Variants in SYT14 observed in about 807,000 individuals in gnomAD.
SYT14 encodes the protein synaptotagmin-14.
A neutral mutation model predicts 74.2 loss-of-function variants in SYT14; 32 were observed. That is an observed-to-expected ratio of 0.43 (90% CI 0.33 to 0.58). SYT14 has a LOEUF of 0.58. SYT14 is among the 20% of genes least tolerant of loss of function. The probability of loss-of-function intolerance (pLI) is 0.05; values close to 1 mark genes in which losing one functional copy is unlikely to be tolerated. For synonymous variants in SYT14, 298 were observed against 337.7 expected, an observed-to-expected ratio of 0.88 and a Z score of 1.29; for missense variants, 791 against 981.8, an observed-to-expected ratio of 0.81 and a Z score of 2.60.
chr1:210,125,799 G>A (rs2082557566), intron 7 of SYT14, among the ~76,000 whole-genome samples: 1 of 152,218 alleles, frequency 6.6e-6, no homozygotes, highest in Non-Finnish European at 1.5e-5. Context: ...TATCTAGGCA[G>A]TCCATGCTAT....
chr1:210,043,303 A>G (rs1340918890), intron 5 of SYT14, among the ~76,000 whole-genome samples: 2 of 152,198 alleles, frequency 1.3e-5, no homozygotes, highest in Admixed American at 1.3e-4. Context: ...AACCATGGAA[A>G]CAGCCTAGTA....
chr1:209,991,434 A>G lies in SYT14; in HGVS notation c.-485-22199A>G, dbSNP rs1482836520. ...ACAAGGAATGCAAACAACTCAACCAAAATCCCTCAAATAACCCCATTAAAA... is the reference window on the plus strand; with the variant it reads ...ACAAGGAATGCAAACAACTCAACCAGAATCCCTCAAATAACCCCATTAAAA... On this transcript the variant is annotated intron_variant, in intron 2 of 9. Coordinates refer to ENST00000637265, the Ensembl canonical transcript of SYT14. 2.6e-5 allele frequency among the ~76,000 whole-genome samples: 4 copies of G among 152,112 alleles called. No homozygotes were observed. In the East Asian group the frequency reaches 7.7e-4, roughly 29 times the overall value.
chr1:210,150,857 A>T (rs930541676), intron 7 of SYT14, among the ~76,000 whole-genome samples: 1 of 152,182 alleles, frequency 6.6e-6, no homozygotes, highest in Non-Finnish European at 1.5e-5. Flanking sequence ...AAAGCCCAGT[A>T]TGTTAATAGG....
chr1:209,978,543 G>T (rs1166070175), intron 2 of SYT14, among the ~76,000 whole-genome samples: 1 of 152,166 alleles, frequency 6.6e-6, no homozygotes, highest in Non-Finnish European at 1.5e-5. Flanking sequence ...AGCAAATGTT[G>T]CTGCCTGATC....
intron 5 of SYT14, among the ~76,000 whole-genome samples, chr1:210,053,296 G>A (rs530906866): frequency 2.0e-5 from 3 of 152,274 alleles, no homozygotes; most frequent in Admixed American, 1.3e-4. Context: ...GAAGATTAAC[G>A]TCTTTCTGCC....
intron 2 of SYT14, among the ~76,000 whole-genome samples, chr1:209,956,479 A>G (rs1382018955): frequency 2.0e-5 from 3 of 152,124 alleles, no homozygotes; most frequent in Non-Finnish European, 4.4e-5. Flanking sequence ...TGTGGGGGAA[A>G]AAAAGGGGAA....
intron 2 of SYT14, among the ~76,000 whole-genome samples, chr1:209,957,829 T>C (rs2079017090): frequency 6.6e-6 from 1 of 152,124 alleles, no homozygotes; most frequent in Admixed American, 6.5e-5. Context: ...GCAGATTCCA[T>C]TTTTTTCAGA....
chr1:209,998,965 T>G (rs1407147630), intron 2 of SYT14, among the ~76,000 whole-genome samples: 1 of 152,096 alleles, frequency 6.6e-6, no homozygotes, highest in Non-Finnish European at 1.5e-5. Flanking sequence ...GCTAAAAAGC[T>G]TCTGCACAGC....
chr1:210,130,640 A>G (rs893494684), intron 7 of SYT14, among the ~76,000 whole-genome samples: 1 of 152,230 alleles, frequency 6.6e-6, no homozygotes, highest in African/African-American at 2.4e-5. Context: ...CACAGTGTAA[A>G]ATGACAGAAG....
At chr1:209,976,902 A>G (rs2079376513) in intron 2 of SYT14, among the ~76,000 whole-genome samples, 2 of 152,146 alleles carry the variant, frequency 1.3e-5, no homozygotes, top group African/African-American at 4.8e-5. Flanking sequence ...TATTGGGTGC[A>G]TATATATTTA....
chr1:210,044,605 G>A (rs531964629), intron 5 of SYT14, among the ~76,000 whole-genome samples: 1 of 152,212 alleles, frequency 6.6e-6, no homozygotes, highest in East Asian at 1.9e-4. Context: ...AAGCTATCTC[G>A]CTCCTTACAC....
At chr1:210,121,748 C>T (rs1365728390) in intron 7 of SYT14, among the ~76,000 whole-genome samples, 3 of 149,902 alleles carry the variant, frequency 2.0e-5, no homozygotes, top group Admixed American at 6.6e-5. Context: ...GAGCCAAGAT[C>T]GCACCACTGC....
intron 2 of SYT14, among the ~76,000 whole-genome samples, chr1:209,980,343 A>C (rs186064114): frequency 6.6e-6 from 1 of 152,246 alleles, no homozygotes; most frequent in East Asian, 1.9e-4. Context: ...GATGCTAGGT[A>C]TTAGACCTTT....
At chr1:210,115,853 T>G (rs1172200781) in intron 7 of SYT14, among the ~76,000 whole-genome samples, 2 of 151,268 alleles carry the variant, frequency 1.3e-5, no homozygotes, top group African/African-American at 4.9e-5. Flanking sequence ...AAATTTCATG[T>G]GCATCTGTGT....
At chr1:210,099,008 A>G (rs2082013977) in intron 6 of SYT14, among the ~76,000 whole-genome samples, 1 of 152,206 alleles carries the variant, frequency 6.6e-6, no homozygotes, top group African/African-American at 2.4e-5. Context: ...GTTTTGTTTT[A>G]TTTTGTTTCG....
At chr1:209,964,498 G>A (rs548103964) in intron 2 of SYT14, among the ~76,000 whole-genome samples, 1 of 151,952 alleles carries the variant, frequency 6.6e-6, no homozygotes, top group African/African-American at 2.4e-5. Flanking sequence ...AGTAGAAAAG[G>A]GTTTCTTGCA....
intron 2 of SYT14, among the ~76,000 whole-genome samples, chr1:209,956,383 A>G (rs1163429648): frequency 6.6e-6 from 1 of 152,182 alleles, no homozygotes; most frequent in African/African-American, 2.4e-5. Flanking sequence ...GCAGTGATTT[A>G]GGGATCCAGG....
rs147845108 is a variant in SYT14 at position 210,096,413 on chromosome 1, C to A, written c.1584+1820C>A. Among the ~76,000 whole-genome samples, 15 of 152,144 alleles carry A rather than the reference C, an allele frequency of 9.9e-5. No homozygotes were observed. The South Asian group carries it at 2.9e-3, about 29-fold the overall frequency. On this transcript the variant is annotated intron_variant, in intron 6 of 9. Transcript: ENST00000637265. ...AGAGAGAAAGAGAGTGTGTTTTAGT[C>A]CATTTCACATACAAAGCAAGAAGTA...
chr1:210,007,702 T>C (rs948444773), intron 2 of SYT14, among the ~76,000 whole-genome samples: 1 of 152,126 alleles, frequency 6.6e-6, no homozygotes, highest in African/African-American at 2.4e-5. Context: ...TTTCTTATCT[T>C]TTATATGCAG....
Sources: allele counts gnomAD v4.1 joint callset (sites outside exome capture counted in the v4.1 genomes callset), GRCh38; gene constraint gnomAD v4.1.1; transcripts MANE v1.5; gene names NCBI Gene and HGNC (gene_info 2026-07-23, HGNC 2026-07-21).